Variants in CSGALNACT1 observed in about 807,000 individuals in gnomAD.
The protein encoded by CSGALNACT1 is beta4GalNAcT-1.
In CSGALNACT1, 52 loss-of-function variants were observed where a neutral mutation model predicts 51.0. The ratio of observed to expected loss-of-function variants is 1.02; its 90% CI spans 0.82 to 1.29. CSGALNACT1 has a LOEUF of 1.29. Ranked by LOEUF, CSGALNACT1 falls within the 50% of genes most tolerant of loss-of-function variation. CSGALNACT1 has a pLI of 0.00. For missense variants in CSGALNACT1, 935 were observed against 679.2 expected (o/e 1.38, Z -4.19); for synonymous variants, 341 against 254.4 (o/e 1.34, Z -3.24).
At chr8:19,685,482 C>A (rs1478233718), upstream of CSGALNACT1, among the ~76,000 whole-genome samples, 1 of 151,994 alleles carries the variant, frequency 6.6e-6, no homozygotes, top group Non-Finnish European at 1.5e-5. Context: ...GAAGACCCTG[C>A]CCCAAAAACA....
intron 3 of CSGALNACT1, among the ~76,000 whole-genome samples, chr8:19,515,191 C>T (rs938996529): frequency 2.0e-5 from 3 of 149,642 alleles, no homozygotes; most frequent in Non-Finnish European, 3.0e-5. Context: ...CATGTCCTTT[C>T]CTGCCTCTGG....
intron 1 of CSGALNACT1, among the ~76,000 whole-genome samples, chr8:19,700,148 T>A: frequency 6.7e-6 from 1 of 150,178 alleles, no homozygotes; most frequent in African/African-American, 2.4e-5. Context: ...CTTAGGTAAG[T>A]ATTATTTCCC....
At chr8:19,505,573 C>T in exon 4 of CSGALNACT1, 1 of 1,614,008 alleles carries the variant, frequency 6.2e-7, no homozygotes, top group Non-Finnish European at 8.5e-7. Flanking sequence ...TCACTCCTCT[C>T]CTGCAGCTCC....
At chr8:19,507,120 G>T (rs1317891757) in intron 3 of CSGALNACT1, among the ~76,000 whole-genome samples, 3 of 152,126 alleles carry the variant, frequency 2.0e-5, no homozygotes, top group Non-Finnish European at 4.4e-5. Context: ...CATCCAGAAG[G>T]GATCAGGGGA....
chr8:19,447,372 T>G (rs902010919), intron 5 of CSGALNACT1, among the ~76,000 whole-genome samples: 11 of 152,174 alleles, frequency 7.2e-5, no homozygotes, highest in African/African-American at 2.7e-4. Context: ...GGGGAAGGAC[T>G]GTTCAACCTG....
intron 3 of CSGALNACT1, among the ~76,000 whole-genome samples, chr8:19,510,956 TTC>T (rs1186112690): frequency 1.3e-5 from 2 of 152,314 alleles, no homozygotes; most frequent in East Asian, 3.9e-4. Flanking sequence ...GTGTAAGCAT[TTC>T]ACTCTGCAGA....
chr8:19,699,153 T>G (rs1564443676), intron 1 of CSGALNACT1, among the ~76,000 whole-genome samples: 1 of 152,212 alleles, frequency 6.6e-6, no homozygotes, highest in Non-Finnish European at 1.5e-5. Context: ...ACTACAGGCA[T>G]GAGCCACCGC....
chr8:19,429,993 G>A (rs6992893), intron 6 of CSGALNACT1, among the ~76,000 whole-genome samples: 70,038 of 152,084 alleles, frequency 0.46, 17,659 homozygotes, highest in East Asian at 0.84. Flanking sequence ...TTGTCCTGCT[G>A]TGCTTATTGG....
At chr8:19,641,200 C>A (rs1344988035) in intron 1 of CSGALNACT1, among the ~76,000 whole-genome samples, 1 of 145,598 alleles carries the variant, frequency 6.9e-6, no homozygotes, top group Non-Finnish European at 1.5e-5. Flanking sequence ...CCAACAAGAC[C>A]TTCAAGTGTT....
chr8:19,672,489 G>C (rs1013415643), intron 1 of CSGALNACT1, among the ~76,000 whole-genome samples: 3 of 152,158 alleles, frequency 2.0e-5, no homozygotes, highest in Non-Finnish European at 2.9e-5. Context: ...AGACTGCAAA[G>C]TATTTCCCTG....
intron 1 of CSGALNACT1, among the ~76,000 whole-genome samples, chr8:19,718,601 A>T (rs976785033): frequency 1.3e-5 from 2 of 152,154 alleles, no homozygotes; most frequent in African/African-American, 4.8e-5. Flanking sequence ...ATTATATGCA[A>T]TGCTTTCCCA....
chr8:19,526,480 G>A lies in CSGALNACT1; in HGVS notation c.-296-20350C>T, dbSNP rs183530128. Among the ~76,000 whole-genome samples, 281 of 152,242 alleles carry A rather than the reference G, an allele frequency of 1.8e-3. 2 individuals carry two copies. Among genetic ancestry groups the A allele is most frequent in the African/African-American group, 6.4e-3 (267 of 41,544 alleles). On this transcript the variant is annotated intron_variant, in intron 3 of 9. Coordinates refer to ENST00000454498, the Ensembl canonical transcript of CSGALNACT1. ...CGCCTGTAGTGCCAGCTACTCGGGA[G>A]ACCGAGGCAGGATAATCACTTGAAC...
At chr8:19,682,718 C>A (rs1003551432), upstream of CSGALNACT1, 1 of 454,010 alleles carries the variant, frequency 2.2e-6, no homozygotes, top group Non-Finnish European at 4.4e-6. Flanking sequence ...CGGGGCCACA[C>A]CAATGCACAG....
chr8:19,501,673 C>T (rs3923920), intron 4 of CSGALNACT1, among the ~76,000 whole-genome samples: 66,276 of 151,990 alleles, frequency 0.44, 15,734 homozygotes, highest in East Asian at 0.84. Context: ...AAAGAGAGTT[C>T]GGAAAGCTAA....
At chr8:19,747,519 T>A (rs887428001) in intron 1 of CSGALNACT1, among the ~76,000 whole-genome samples, 1 of 152,208 alleles carries the variant, frequency 6.6e-6, no homozygotes. Flanking sequence ...GTGAATAATA[T>A]GTTCTCTACT....
chr8:19,531,434 G>A (rs2082743744), intron 3 of CSGALNACT1, among the ~76,000 whole-genome samples: 1 of 152,160 alleles, frequency 6.6e-6, no homozygotes, highest in Admixed American at 6.5e-5. Context: ...AGTCCTAGCT[G>A]GAGCCACAGC....
intron 6 of CSGALNACT1, among the ~76,000 whole-genome samples, chr8:19,429,921 G>A (rs2059393070): frequency 6.6e-6 from 1 of 152,202 alleles, no homozygotes; most frequent in African/African-American, 2.4e-5. Flanking sequence ...CCATCCCGGT[G>A]AGTGTAGTTT....
intron 4 of CSGALNACT1, among the ~76,000 whole-genome samples, chr8:19,490,767 C>T (rs111974406): frequency 2.0e-5 from 3 of 152,314 alleles, no homozygotes; most frequent in African/African-American, 7.2e-5. Context: ...CCTTTACAGG[C>T]TGCCTGCTCC....
At chr8:19,721,663 T>C (rs1412683448) in intron 1 of CSGALNACT1, among the ~76,000 whole-genome samples, 1 of 152,218 alleles carries the variant, frequency 6.6e-6, no homozygotes, top group African/African-American at 2.4e-5. Context: ...GAATTCTGTC[T>C]GTCATGGAAA....
Sources: gnomAD v4.1 joint callset for allele counts (sites outside exome capture counted in the v4.1 genomes callset) on GRCh38, gnomAD v4.1.1 for gene constraint, MANE v1.5 for transcripts, NCBI Gene and HGNC (gene_info 2026-07-23, HGNC 2026-07-21) for gene names.